SOS1: variants seen among roughly 807,000 people sequenced by gnomAD.
SOS1 encodes the protein SOS Ras/Rac guanine nucleotide exchange factor 1, also known as son of sevenless homolog 1.
A neutral mutation model predicts 157.6 loss-of-function variants in SOS1; 25 were observed. The observed-to-expected ratio is 0.16, with a 90% CI of 0.12 to 0.22. The LOEUF is 0.22. Ranked by LOEUF, SOS1 falls within the 10% of genes least tolerant of loss-of-function variation. SOS1 has a pLI of 1.00. For synonymous variants in SOS1, 528 were observed against 534.0 expected, an observed-to-expected ratio of 0.99 and a Z score of 0.16; for missense variants, 1,237 against 1,599.1, an observed-to-expected ratio of 0.77 and a Z score of 3.86.
chr2:39,011,883 A>C (rs934298878), intron 14 of SOS1, among the ~76,000 whole-genome samples: 4 of 152,176 alleles, frequency 2.6e-5, no homozygotes, highest in Non-Finnish European at 5.9e-5. Flanking sequence ...CAATTGGTAA[A>C]GCCAGGATTT....
At chr2:39,091,826 T>C (rs1203396046) in intron 1 of SOS1, among the ~76,000 whole-genome samples, 1 of 152,132 alleles carries the variant, frequency 6.6e-6, no homozygotes, top group Non-Finnish European at 1.5e-5. Flanking sequence ...AGTTGACCAC[T>C]TCCACTTTCT....
At chr2:39,001,821 A>G (rs1167246565) in intron 17 of SOS1, among the ~76,000 whole-genome samples, 2 of 152,202 alleles carry the variant, frequency 1.3e-5, no homozygotes, top group Non-Finnish European at 1.5e-5. Context: ...AACTACCTTA[A>G]AGGAGCAGAG....
chr2:39,090,955 A>G (rs1388607316), intron 1 of SOS1, among the ~76,000 whole-genome samples: 2 of 151,976 alleles, frequency 1.3e-5, no homozygotes, highest in East Asian at 1.9e-4. Flanking sequence ...TGCAACCTCA[A>G]CCTCCTGGGT....
At chr2:39,052,224 A>G (rs1482496799) in intron 5 of SOS1, among the ~76,000 whole-genome samples, 1 of 152,244 alleles carries the variant, frequency 6.6e-6, no homozygotes, top group Non-Finnish European at 1.5e-5. Flanking sequence ...GTTGCAATGT[A>G]GAATCTGCAA....
At chr2:39,034,428 C>G (rs748005641) in intron 8 of SOS1, among the ~76,000 whole-genome samples, 2 of 152,124 alleles carry the variant, frequency 1.3e-5, no homozygotes, top group Non-Finnish European at 2.9e-5. Context: ...CAGAAGTTTT[C>G]TTTGATGAAA....
chr2:39,006,857 T>C (rs531074420), intron 16 of SOS1, among the ~76,000 whole-genome samples, 174 bp downstream of exon 16: 3 of 152,210 alleles, frequency 2.0e-5, no homozygotes, highest in Non-Finnish European at 2.9e-5. Flanking sequence ...TTAATAGGAA[T>C]GCTTAAATTT....
chr2:39,024,227 T>C, intron 8 of SOS1, 90 bp from the exon 9 acceptor site: 1 of 945,304 alleles, frequency 1.1e-6, no homozygotes, highest in African/African-American at 4.1e-5. Context: ...TAACATTTAT[T>C]CAACTGTCAC....
chr2:39,086,721 T>C (rs1355624762), intron 1 of SOS1, among the ~76,000 whole-genome samples: 1 of 152,178 alleles, frequency 6.6e-6, no homozygotes, highest in Non-Finnish European at 1.5e-5. Context: ...AAAACATGGC[T>C]GGATGTTCTA....
chr2:39,044,420 G>T (rs1380541143), intron 6 of SOS1, among the ~76,000 whole-genome samples: 6 of 152,054 alleles, frequency 3.9e-5, no homozygotes, highest in Non-Finnish European at 8.8e-5. Flanking sequence ...ATTCTCTTAG[G>T]TGTATCACGT....
intron 2 of SOS1, among the ~76,000 whole-genome samples, chr2:39,064,742 ATTTTTTTTTT>A (rs4015841): frequency 3.1e-4 from 23 of 74,828 alleles, no homozygotes; most frequent in South Asian, 1.7e-3. Flanking sequence ...TTTAAAATAC[ATTTTTTTTTT>A]TTTTTTTTTT....
chr2:39,064,769 G>GTTTTTTTA, intron 2 of SOS1, among the ~76,000 whole-genome samples: 1 of 113,070 alleles, frequency 8.8e-6, no homozygotes, highest in Non-Finnish European at 1.6e-5. Context: ...TTTTTTTGGA[G>GTTTTTTTA]ATGGAGTCTT....
intron 1 of SOS1, among the ~76,000 whole-genome samples, chr2:39,111,477 T>G (rs764222980): frequency 4.6e-5 from 7 of 152,214 alleles, no homozygotes; most frequent in Non-Finnish European, 1.0e-4. Context: ...TCTTCCTATT[T>G]TGTCTATAGC....
intron 10 of SOS1, among the ~76,000 whole-genome samples, chr2:39,021,664 A>T (rs919079601): frequency 2.6e-5 from 4 of 151,724 alleles, no homozygotes; most frequent in African/African-American, 7.2e-5. Flanking sequence ...TAGAATGCTC[A>T]TGTTATAAAA....
At chr2:39,014,662 G>A in intron 11 of SOS1, 103 bp downstream of exon 11, 3 of 576,722 alleles carry the variant, frequency 5.2e-6, no homozygotes. Flanking sequence ...AAGTGCTTGT[G>A]AAGTATATTT....
intron 1 of SOS1, among the ~76,000 whole-genome samples, chr2:39,073,893 T>G (rs1178727244): frequency 6.6e-6 from 1 of 152,228 alleles, no homozygotes; most frequent in Non-Finnish European, 1.5e-5. Flanking sequence ...TACTTTTATT[T>G]AAAAATATAA....
chr2:39,036,171 T>C (rs1475551092), intron 6 of SOS1, among the ~76,000 whole-genome samples: 1 of 152,172 alleles, frequency 6.6e-6, no homozygotes, highest in Non-Finnish European at 1.5e-5. Context: ...TCTTCTATCT[T>C]GTATAAAACT....
chr2:38,987,426 G>A (rs1263286946), intron 22 of SOS1, 47 bp downstream of exon 22: 2 of 945,570 alleles, frequency 2.1e-6, no homozygotes, highest in Non-Finnish European at 3.4e-6. Context: ...TTATTATAAT[G>A]AACTGTAATG....
chr2:39,022,573 C>T lies in SOS1; in HGVS notation c.1855G>A (p.Ala619Thr). 2 of 1,611,328 alleles carry T rather than the reference C, an allele frequency of 1.2e-6. No individual in the cohort carries two copies. Among genetic ancestry groups the T allele is most frequent in the East Asian group, 2.2e-5 (1 of 44,832 alleles). Reference sequence around the variant, plus strand: ...CAGGCAACTGCATAATTCTTACCTGCGTACATATGGTACGTAAGCCTCTCT... The same window carrying T: ...CAGGCAACTGCATAATTCTTACCTGTGTACATATGGTACGTAAGCCTCTCT... The part of the protein sequence containing the change: ...LIERLTYHMY[A>T]DPNFVRTFLT... Residue 619 changes from alanine (A) to threonine (T), a missense_variant, in exon 10 of 23, where the codon GCA becomes ACA. Ala to Thr is a moderately conservative substitution (Grantham distance 58, BLOSUM62 0). Around this residue, in one of 15 missense-constraint regions of SOS1, gnomAD observed 22 missense variants for 46.3 expected, o/e 0.48. Transcript: ENST00000402219.
chr2:39,051,343 A>C (rs1230198392), intron 5 of SOS1, 56 bp from the exon 6 acceptor site: 2 of 1,493,382 alleles, frequency 1.3e-6, no homozygotes, highest in Non-Finnish European at 1.8e-6. Flanking sequence ...AATATTAAAC[A>C]AATTTTGAGC....
Sources: gnomAD v4.1 joint callset for allele counts (sites outside exome capture counted in the v4.1 genomes callset) on GRCh38, gnomAD v4.1.1 for gene constraint, gnomAD v4.1.1 regional missense constraint, MANE v1.5 for transcripts, NCBI Gene and HGNC (gene_info 2026-07-23, HGNC 2026-07-21) for gene names.